Variants in KAZN observed in about 807,000 individuals in gnomAD.
The protein encoded by KAZN is kazrin, periplakin interacting protein, also known as kazrin.
A neutral mutation model predicts 87.4 loss-of-function variants in KAZN; 40 were observed. The ratio of observed to expected loss-of-function variants is 0.46; its 90% CI spans 0.36 to 0.60. KAZN has a LOEUF of 0.60. Among genes scored for constraint, KAZN ranks in the 20% least tolerant of loss-of-function variants. The pLI, the probability that KAZN is intolerant of heterozygous loss-of-function variation, is 0.00. For missense variants in KAZN, 898 were observed against 1,073.9 expected (o/e 0.84, Z 2.29); for synonymous variants, 466 against 458.3 (o/e 1.02, Z -0.22).
rs114705177 is a variant in KAZN at position 14,826,905 on chromosome 1, G to T, written c.227-133779G>T. ...ATGAAGACTTGGGGTCAGACCAAATGGGGTTCAGATCCTGGCTCGGCGGCT... is the reference window on the plus strand; with the variant it reads ...ATGAAGACTTGGGGTCAGACCAAATTGGGTTCAGATCCTGGCTCGGCGGCT... On this transcript the variant is annotated intron_variant, in intron 1 of 14. Transcript: ENST00000376030. Among the ~76,000 whole-genome samples, 319 of 152,288 alleles carry T rather than the reference G, an allele frequency of 2.1e-3. 1 individual carries two copies. Among genetic ancestry groups the T allele is most frequent in the African/African-American group, 7.3e-3 (303 of 41,564 alleles).
intron 2 of KAZN, among the ~76,000 whole-genome samples, chr1:15,001,017 C>T (rs1484427702): frequency 1.9e-5 from 2 of 103,874 alleles, no homozygotes; most frequent in African/African-American, 3.4e-5. Context: ...GCAGGAGAGT[C>T]GCTTGAGCCC....
At chr1:14,180,311 C>A in intron 1 of KAZN, 1 of 755,328 alleles carries the variant, frequency 1.3e-6, no homozygotes, top group Non-Finnish European at 2.1e-6. Flanking sequence ...GTGTCAAGTT[C>A]TTGATACATG....
rs1328546448 is a variant in KAZN, at chr1:14,354,667, C to T, written c.249+174075C>T. ...TTAGACACACACACACACACACACA[C>T]ACACACACACACACACACACAAACA... is the stretch of plus-strand genomic sequence containing the variant. On this transcript the variant is annotated intron_variant, in intron 2 of 16. Transcript: ENST00000636203. 3.3e-3 allele frequency among the ~76,000 whole-genome samples: 506 copies of T among 151,760 alleles called. 2 individuals carry two copies. The highest frequency in any genetic ancestry group is 0.012 in the African/African-American group (477 of 41,420).
chr1:13,980,781 C>T (rs929656764), intron 1 of KAZN, among the ~76,000 whole-genome samples: 3 of 152,066 alleles, frequency 2.0e-5, no homozygotes, highest in African/African-American at 7.2e-5. Flanking sequence ...GCTTGGCTCA[C>T]CTTGAAGCCT....
intron 1 of KAZN, among the ~76,000 whole-genome samples, chr1:14,081,309 A>G (rs12723386): frequency 0.1 from 15,267 of 152,162 alleles, 932 homozygotes; most frequent in East Asian, 0.13. Flanking sequence ...GAACTGCAGT[A>G]CATTATCTGT....
intron 2 of KAZN, among the ~76,000 whole-genome samples, chr1:14,422,896 T>C (rs1160898498): frequency 6.6e-6 from 1 of 152,266 alleles, no homozygotes; most frequent in Admixed American, 6.5e-5. Context: ...TTGATTATAT[T>C]CTTCAGCTCT....
intron 2 of KAZN, among the ~76,000 whole-genome samples, chr1:14,466,733 C>T (rs1484997581): frequency 1.3e-5 from 2 of 151,348 alleles, no homozygotes; most frequent in African/African-American, 4.9e-5. Context: ...CTTCGGGAGG[C>T]CGAGGTGGGC....
At chr1:14,854,015 T>G (rs910160996) in intron 1 of KAZN, among the ~76,000 whole-genome samples, 1 of 152,084 alleles carries the variant, frequency 6.6e-6, no homozygotes, top group Non-Finnish European at 1.5e-5. Context: ...GCAGGGACAA[T>G]GTACATGGCC....
intron 2 of KAZN, among the ~76,000 whole-genome samples, chr1:14,339,041 T>A (rs970007634): frequency 8.6e-5 from 13 of 151,700 alleles, no homozygotes; most frequent in African/African-American, 2.9e-4. Flanking sequence ...AAAAAGAAAC[T>A]CTCATGATTT....
At chr1:14,658,666 C>T (rs929227369) in intron 1 of KAZN, among the ~76,000 whole-genome samples, 9 of 148,226 alleles carry the variant, frequency 6.1e-5, no homozygotes, top group Admixed American at 1.3e-4. Context: ...CTCTCTAAGC[C>T]ATCTCTTGAA....
At chr1:14,835,510 C>T (rs963257637) in intron 1 of KAZN, among the ~76,000 whole-genome samples, 1 of 152,124 alleles carries the variant, frequency 6.6e-6, no homozygotes, top group Non-Finnish European at 1.5e-5. Flanking sequence ...CATTATGTTA[C>T]TCACTCTGCA....
At chr1:14,106,685 G>A (rs1644381388) in intron 1 of KAZN, among the ~76,000 whole-genome samples, 1 of 152,118 alleles carries the variant, frequency 6.6e-6, no homozygotes, top group Non-Finnish European at 1.5e-5. Context: ...TGTTATTCTT[G>A]GAGAGGTATT....
chr1:15,098,983 G>A (rs940591655), intron 10 of KAZN, among the ~76,000 whole-genome samples: 1 of 152,230 alleles, frequency 6.6e-6, no homozygotes, highest in Non-Finnish European at 1.5e-5. Context: ...ACCACAATGT[G>A]ACTGGTGCAG....
At chr1:14,524,777 A>G (rs938904775) in intron 2 of KAZN, among the ~76,000 whole-genome samples, 8 of 152,310 alleles carry the variant, frequency 5.3e-5, no homozygotes, top group African/African-American at 1.9e-4. Context: ...TGTTTTATTC[A>G]TGTTGATTCT....
intron 1 of KAZN, among the ~76,000 whole-genome samples, chr1:13,922,901 C>A (rs1297201729): frequency 6.6e-6 from 1 of 152,156 alleles, no homozygotes; most frequent in African/African-American, 2.4e-5. Context: ...TTAGAACATT[C>A]GTCAGCACAT....
intron 1 of KAZN, among the ~76,000 whole-genome samples, chr1:14,901,387 AG>A (rs1655869283): frequency 6.6e-6 from 1 of 151,992 alleles, no homozygotes. Flanking sequence ...GGTGGGAGGC[AG>A]GGGACAGATG....
At chr1:13,938,171 T>G (rs80263775) in intron 1 of KAZN, among the ~76,000 whole-genome samples, 2,492 of 152,288 alleles carry the variant, frequency 0.016, 62 homozygotes, top group African/African-American at 0.055. Flanking sequence ...AGCATGGAAG[T>G]TTTTTTCTGG....
At chr1:14,100,099 C>T (rs528955609) in intron 1 of KAZN, among the ~76,000 whole-genome samples, 1 of 152,322 alleles carries the variant, frequency 6.6e-6, no homozygotes, top group Non-Finnish European at 1.5e-5. Flanking sequence ...CTCCAAACCC[C>T]TGCCCTCCCA....
At chr1:14,868,215 CGCATACGCAGGCATT>C (rs1323959345) in intron 1 of KAZN, among the ~76,000 whole-genome samples, 3 of 152,164 alleles carry the variant, frequency 2.0e-5, no homozygotes, top group Non-Finnish European at 4.4e-5. Flanking sequence ...ACGCAGGCAT[CGCATACGCAGGCATT>C]GCAAACACAT....
Sources: gnomAD v4.1 joint callset for allele counts (sites outside exome capture counted in the v4.1 genomes callset) on GRCh38, gnomAD v4.1.1 for gene constraint, MANE v1.5 for transcripts, NCBI Gene and HGNC (gene_info 2026-07-23, HGNC 2026-07-21) for gene names.